RBM45: variants seen among roughly 807,000 people sequenced by gnomAD.
The protein encoded by RBM45 is RNA binding motif protein 45, also known as RNA-binding protein 45.
Under a neutral mutation model 58.5 loss-of-function variants are expected in RBM45, and 39 were observed. That is an observed-to-expected ratio of 0.67 (90% confidence interval 0.52 to 0.87). The LOEUF (loss-of-function observed/expected upper bound fraction) is 0.87, where lower values mean the gene tolerates loss of function less well. Among genes scored for constraint, RBM45 ranks in the 40% least tolerant of loss-of-function variants. The pLI, the probability that RBM45 is intolerant of heterozygous loss-of-function variation, is 0.00. For missense variants in RBM45, 481 were observed against 581.6 expected (o/e 0.83, Z 1.78); for synonymous variants, 193 against 203.0 (o/e 0.95, Z 0.42).
chr2:178,123,865 C>G lies in RBM45; in HGVS notation c.1021C>G (p.Gln341Glu). ...RKMATQMVAAQLASMVWNNPS... is the reference protein window; with the variant it reads ...RKMATQMVAAELASMVWNNPS... ...AATGGCAACACAGATGGTAGCTGCA[C>G]AGCTTGCATCAATGGTGTGGAATAA... Residue 341 changes from glutamine to glutamate, a missense_variant, in exon 7 of 10, where the codon CAG becomes GAG. Gln to Glu is a conservative substitution (Grantham distance 29, BLOSUM62 2). Transcript: ENST00000286070. The G allele has an allele frequency of 6.2e-7, 1 of 1,614,042 alleles. No homozygotes were observed. Among genetic ancestry groups the G allele is most frequent in the Non-Finnish European group, 8.5e-7 (1 of 1,179,966 alleles).
Position 178,126,173 on chromosome 2 carries a change from C to G in RBM45, c.1422C>G (p.Tyr474Ter). Residue 474 changes from tyrosine to a stop codon, truncating the protein, a stop_gained, in exon 9 of 10, where the codon TAC becomes TAG. Transcript: ENST00000286070. LOFTEE classifies it high-confidence loss of function. ...REESNKRQRT[Y>*] Reference sequence around the variant, plus strand: ...AATCTAACAAACGGCAAAGAACTTACTGATTCTTGAGGTAAGCCCTTTTTA... The same window carrying G: ...AATCTAACAAACGGCAAAGAACTTAGTGATTCTTGAGGTAAGCCCTTTTTA... 6.2e-7 allele frequency: 1 copy of G among 1,612,380 alleles called. No homozygotes were observed.
chr2:178,125,905 C>A, intron 8 of RBM45, 79 bp from the exon 9 acceptor site: 1 of 1,149,636 alleles, frequency 8.7e-7, no homozygotes, highest in South Asian at 1.3e-5. Flanking sequence ...AAAATGGAGT[C>A]AAGAATGGAC....
In RBM45 at chr2:178,129,613, G is replaced by A. The variant is rs1325974380; in HGVS notation, c.*225G>A. On this transcript the variant is annotated 3_prime_UTR_variant, in exon 10 of 10. Transcript: ENST00000286070. The stretch of plus-strand genomic sequence containing the variant: ...TAGTAGTTGTTCCTTAGAGCAATAT[G>A]TTGTTACGTGTAGCAGAAATAAAGT... 6.6e-6 allele frequency: 1 copy of A among 152,614 alleles called. No individual in the cohort carries two copies. The highest frequency in any genetic ancestry group is 1.5e-5 in the Non-Finnish European group (1 of 68,028). 9.5% of individuals were successfully genotyped at this position (152,614 alleles called of 1,614,324 possible).
intron 5 of RBM45, among the ~76,000 whole-genome samples, chr2:178,122,955 C>T (rs1380071561): frequency 1.3e-5 from 2 of 152,140 alleles, no homozygotes; most frequent in Non-Finnish European, 2.9e-5. Flanking sequence ...ACATCACCCT[C>T]CTAAATTGAA....
intron 9 of RBM45, among the ~76,000 whole-genome samples, chr2:178,128,870 G>A (rs939176171): frequency 3.3e-5 from 5 of 152,004 alleles, no homozygotes; most frequent in African/African-American, 1.2e-4. Flanking sequence ...TTTAAGTTTC[G>A]ATAAAATACT....
intron 1 of RBM45, 99 bp from the exon 2 acceptor site, chr2:178,116,163 A>T (rs1016498121): frequency 6.7e-6 from 9 of 1,351,212 alleles, no homozygotes; most frequent in African/African-American, 1.5e-5. Context: ...CTCAAAGATT[A>T]AAAAAAAGTC....
At chr2:178,113,259 ACT>A (rs1266980406) in intron 1 of RBM45, among the ~76,000 whole-genome samples, 1 of 152,086 alleles carries the variant, frequency 6.6e-6, no homozygotes, top group Non-Finnish European at 1.5e-5. Flanking sequence ...AAACGGAAAA[ACT>A]CTACTTTTCC....
chr2:178,130,487 T>A (rs1356281908), downstream of RBM45, among the ~76,000 whole-genome samples: 1 of 152,006 alleles, frequency 6.6e-6, no homozygotes, highest in Non-Finnish European at 1.5e-5. Flanking sequence ...ATAGTGCTGC[T>A]GCAGCCTGGA....
At chr2:178,116,153 C>T in intron 1 of RBM45, 109 bp from the exon 2 acceptor site, 2 of 1,359,638 alleles carry the variant, frequency 1.5e-6, no homozygotes, top group Admixed American at 2.6e-5. Flanking sequence ...GAGACCCTGT[C>T]TCAAAGATTA....
intron 1 of RBM45, among the ~76,000 whole-genome samples, chr2:178,114,104 A>G (rs2087738718): frequency 6.6e-6 from 1 of 152,226 alleles, no homozygotes; most frequent in Admixed American, 6.5e-5. Context: ...CTTTTTCTGT[A>G]AAGGGCTGAC....
chr2:178,119,573 A>G (rs1406857666), intron 3 of RBM45, among the ~76,000 whole-genome samples: 1 of 152,256 alleles, frequency 6.6e-6, no homozygotes, highest in Non-Finnish European at 1.5e-5. Context: ...TAGAAAGACA[A>G]AAGTAAGAAC....
intron 1 of RBM45, among the ~76,000 whole-genome samples, chr2:178,115,192 A>G (rs929064529): frequency 3.3e-5 from 5 of 152,202 alleles, no homozygotes; most frequent in Admixed American, 1.3e-4. Flanking sequence ...AGAGCCTATG[A>G]ACACTCAGTC....
chr2:178,122,473 T>G (rs1017662592), intron 5 of RBM45, among the ~76,000 whole-genome samples: 4 of 152,188 alleles, frequency 2.6e-5, no homozygotes, highest in African/African-American at 9.6e-5. Flanking sequence ...TGTAGAACTG[T>G]CTTTGAGCCA....
At chr2:178,118,508 G>A (rs1163733987) in intron 3 of RBM45, among the ~76,000 whole-genome samples, 1 of 151,808 alleles carries the variant, frequency 6.6e-6, no homozygotes, top group Non-Finnish European at 1.5e-5. Context: ...CCTTTTCAAG[G>A]TTTTTAAAAT....
chr2:178,112,789 G>A lies in RBM45; in HGVS notation c.243G>A (p.Arg81=), dbSNP rs1226910083. ...VKFARSSQAC[R]AMEEMHGQCL... ...TCGCCCGCAGCTCACAGGCCTGCAGGGCCATGGAGGAGATGCATGGCCAGT... is the reference window on the plus strand; with the variant it reads ...TCGCCCGCAGCTCACAGGCCTGCAGAGCCATGGAGGAGATGCATGGCCAGT... Residue 81 remains arginine (R), a synonymous_variant, in exon 1 of 10, where the codon AGG becomes AGA. Coordinates refer to ENST00000286070, the MANE Select transcript of RBM45 (RefSeq NM_152945.4). The A allele has an allele frequency of 9.3e-6, 15 of 1,613,724 alleles. No individual in the cohort carries two copies. The highest frequency in any genetic ancestry group is 1.6e-4 in the Middle Eastern group (1 of 6,080).
At chr2:178,136,644 T>TA (rs1297091651) in exon 4 of RBM45, 1 of 152,178 alleles carries the variant, frequency 6.6e-6, no homozygotes, top group Non-Finnish European at 1.5e-5. Context: ...TTAGAATACT[T>TA]ATGTAGATAG....
At position 178,120,154 on chromosome 2, in the gene RBM45, G is replaced by C. The variant is rs1195324668; in HGVS notation, c.551-133G>C. 4 of 1,091,870 alleles carry C rather than the reference G, an allele frequency of 3.7e-6. No homozygotes were observed. The East Asian group carries it at 1.0e-4, about 27-fold the overall frequency. 67.6% of individuals were successfully genotyped at this position (1,091,870 alleles called of 1,614,324 possible). A position where few individuals can be genotyped will look rare whatever the true frequency, so the allele number is the denominator to read the frequency against. ...TCCAGAAAGCAAAGAAGTAGGTCTG[G>C]AGGAGATGGCCATTGTATAGATTTT... On this transcript the variant is annotated intron_variant, in intron 3 of 9. Transcript: ENST00000286070.
Position 178,123,739 on chromosome 2 carries a change from C to T in RBM45, c.983+88C>T, listed in dbSNP as rs576870123. On this transcript the variant is annotated intron_variant, in intron 6 of 9. Transcript: ENST00000286070. ...AAGAATAAAAATAGAAACAATTGAC[C>T]TCTCAGGTGAGAAAGTCACACAAAA... 40 of 1,589,276 alleles carry T rather than the reference C, an allele frequency of 2.5e-5. No homozygotes were observed. In the African/African-American group the frequency reaches 4.9e-4, roughly 19 times the overall value.
At position 178,123,841 on chromosome 2, in the gene RBM45, A is replaced by G. The variant is rs147512808; in HGVS notation, c.997A>G (p.Met333Val). The change falls in exon 7 of 10, where the codon ATG (methionine) becomes GTG (valine). Residue 333 changes from methionine (M) to valine (V), a missense_variant. Coordinates refer to ENST00000286070, the MANE Select transcript of RBM45 (RefSeq NM_152945.4). ...TATTTTTTCCAGTCTCCTTAGAAAA[A>G]TGGCAACACAGATGGTAGCTGCACA... is the stretch of plus-strand genomic sequence containing the variant. ...GSNATDLLRK[M>V]ATQMVAAQLA... is the part of the protein sequence containing the mutation. 2.4e-5 allele frequency: 39 copies of G among 1,613,788 alleles called. No homozygotes were observed. In the African/African-American group the frequency reaches 4.7e-4, roughly 19 times the overall value.
Sources: allele counts gnomAD v4.1 joint callset (sites outside exome capture counted in the v4.1 genomes callset), GRCh38; gene constraint gnomAD v4.1.1; transcripts MANE v1.5; gene names NCBI Gene and HGNC (gene_info 2026-07-23, HGNC 2026-07-21).